Variants in C1QB observed in about 807,000 individuals in gnomAD.
C1QB encodes complement C1q subcomponent subunit B.
Under a neutral mutation model 4.6 loss-of-function variants are expected in C1QB, and 2 were observed. The ratio of observed to expected loss-of-function variants is 0.43; its 90% CI spans 0.18 to 1.36. C1QB has a LOEUF of 1.36. Among genes scored for constraint, C1QB ranks in the 40% most tolerant of loss-of-function variants. C1QB has a pLI of 0.28. For synonymous variants in C1QB, 132 were observed against 137.1 expected (o/e 0.96, Z 0.26); for missense variants, 292 against 338.0 (o/e 0.86, Z 1.07).
intron 1 of C1QB, among the ~76,000 whole-genome samples, chr1:22,657,263 A>T (rs76504354): frequency 0.044 from 6,640 of 152,224 alleles, 271 homozygotes; most frequent in East Asian, 0.2. Flanking sequence ...GCCATCAATC[A>T]ATCATTAGCA....
chr1:22,655,843 C>A (rs1642521911), intron 1 of C1QB, among the ~76,000 whole-genome samples: 1 of 152,150 alleles, frequency 6.6e-6, no homozygotes, highest in South Asian at 2.1e-4. Flanking sequence ...AGAGAGGATA[C>A]AGTTCAGCCT....
At chr1:22,653,677 C>T (rs1218644861) in intron 1 of C1QB, among the ~76,000 whole-genome samples, 1 of 152,164 alleles carries the variant, frequency 6.6e-6, no homozygotes, top group African/African-American at 2.4e-5. Flanking sequence ...CACTGCTGTG[C>T]CTTACAGGAG....
chr1:22,656,159 G>A (rs571202476), intron 1 of C1QB, among the ~76,000 whole-genome samples: 3 of 152,288 alleles, frequency 2.0e-5, no homozygotes, highest in Admixed American at 6.5e-5. Flanking sequence ...GGCACCACAC[G>A]GGGGACCTTG....
chr1:22,656,177 T>G (rs1361835812), intron 1 of C1QB, among the ~76,000 whole-genome samples: 1 of 152,072 alleles, frequency 6.6e-6, no homozygotes, highest in Non-Finnish European at 1.5e-5. Flanking sequence ...TTGGCAGAGG[T>G]GTCATTGAGG....
In C1QB at chr1:22,653,645, T is replaced by C. The variant is rs376349292; in HGVS notation, c.-24+342T>C. ...CTAACCTCTCTCAGCCCGGCCCCCCTACAGAGAACAGAATCTTTCAGCACT... is the reference window on the plus strand; with the variant it reads ...CTAACCTCTCTCAGCCCGGCCCCCCCACAGAGAACAGAATCTTTCAGCACT... On this transcript the variant is annotated intron_variant, in intron 1 of 2. Transcript: ENST00000509305. Among the ~76,000 whole-genome samples, 33 of 152,250 alleles carry C rather than the reference T, an allele frequency of 2.2e-4. 1 individual carries two copies. The highest frequency in any genetic ancestry group is 7.9e-4 in the African/African-American group (33 of 41,546).
Position 22,660,847 on chromosome 1 carries a change from G to C in C1QB, c.217G>C (p.Gly73Arg). 1 of 1,613,898 alleles carries C rather than the reference G, an allele frequency of 6.2e-7. No individual in the cohort carries two copies. The highest frequency in any genetic ancestry group is 8.5e-7 in the Non-Finnish European group (1 of 1,179,966). Residue 73 changes from glycine to arginine, a missense_variant, in exon 3 of 3, where the codon GGA becomes CGA. Gly to Arg is a moderately radical substitution (Grantham distance 125). Transcript: ENST00000509305. ...PGLAGDHGEF[G>R]EKGDPGIPGN... ...GCTGGCTGGAGACCATGGTGAGTTC[G>C]GAGAGAAGGGAGACCCAGGGATTCC...
intron 1 of C1QB, 29 bp from the exon 2 acceptor site, chr1:22,659,411 G>A: frequency 1.9e-6 from 3 of 1,601,682 alleles, no homozygotes; most frequent in South Asian, 1.1e-5. Context: ...TCACCACGGT[G>A]GTAACCTCTC....
intron 2 of C1QB, among the ~76,000 whole-genome samples, chr1:22,660,212 T>C (rs567475287): frequency 7.9e-5 from 12 of 152,292 alleles, no homozygotes; most frequent in Middle Eastern, 3.4e-3. Flanking sequence ...ATTTCACAGA[T>C]GAGGAGGCTG....
intron 1 of C1QB, among the ~76,000 whole-genome samples, chr1:22,657,003 A>C (rs1305501093): frequency 1.3e-5 from 2 of 152,226 alleles, no homozygotes; most frequent in African/African-American, 4.8e-5. Context: ...GTCCCTGGGC[A>C]TGCTGCCCCC....
In C1QB at chr1:22,661,087, C is replaced by T; in HGVS notation, c.457C>T (p.Pro153Ser). ...VITNMNNNYE[P>S]RSGKFTCKVP... ...CACCAACATGAACAACAATTATGAG[C>T]CCCGCAGTGGCAAGTTCACCTGCAA... Residue 153 changes from proline to serine, a missense_variant, in exon 3 of 3, where the codon CCC becomes TCC. Transcript: ENST00000509305. The T allele has an allele frequency of 6.2e-7, 1 of 1,614,168 alleles. No homozygotes were observed. The highest frequency in any genetic ancestry group is 8.5e-7 in the Non-Finnish European group (1 of 1,180,018).
In C1QB at chr1:22,661,566, C is replaced by A. The variant is rs987562255; in HGVS notation, c.*180C>A. ...GGTCTAATTCAACTCTGTGTCCCAG[C>A]ACCTGGCACACCAGAAGTGCCATGC... On this transcript the variant is annotated 3_prime_UTR_variant, in exon 3 of 3. Coordinates refer to ENST00000509305, the MANE Select transcript of C1QB (RefSeq NM_001378156.1). 4 of 669,738 alleles carry A rather than the reference C, an allele frequency of 6.0e-6. No homozygotes were observed. Among genetic ancestry groups the A allele is most frequent in the African/African-American group, 1.8e-5 (1 of 55,620 alleles). The allele number at this position is 669,738 out of a possible 1,614,324, so 41.5% of individuals were successfully genotyped here. A position where few individuals can be genotyped will look rare whatever the true frequency, so the allele number is the denominator to read the frequency against.
rs1642590099 is a variant in C1QB, at chr1:22,659,575, T to A, written c.113T>A (p.Ile38Asn). The A allele has an allele frequency of 6.2e-7, 1 of 1,613,804 alleles. No individual in the cohort carries two copies. The highest frequency in any genetic ancestry group is 1.1e-5 in the South Asian group (1 of 91,066). Reference protein sequence around the residue: ...SCTGPPAIPGIPGIPGTPGPD... With the variant: ...SCTGPPAIPGNPGIPGTPGPD... ...ACCGGGCCCCCAGCCATCCCTGGCA[T>A]CCCGGGTATCCCTGGGACACCTGGC... The change falls in exon 2 of 3, where the codon ATC becomes AAC. Residue 38 changes from isoleucine (I) to asparagine (N), a missense_variant. Physicochemically the swap from Ile to Asn is moderately radical, Grantham distance 149. Transcript: ENST00000509305.
intron 1 of C1QB, among the ~76,000 whole-genome samples, chr1:22,655,401 T>C (rs2148302214): frequency 6.6e-6 from 1 of 152,224 alleles, no homozygotes; most frequent in South Asian, 2.1e-4. Flanking sequence ...CAGCAAGAAA[T>C]TGATCAGGAC....
In C1QB at chr1:22,661,447, A is replaced by C; in HGVS notation, c.*61A>C. ...TGCCAGCAACGCTCACTCTACCCCC[A>C]ACACCACCCCTTGCCCAACCAATGC... On this transcript the variant is annotated 3_prime_UTR_variant, in exon 3 of 3. Coordinates refer to ENST00000509305, the MANE Select transcript of C1QB (RefSeq NM_001378156.1). 6.3e-7 allele frequency: 1 copy of C among 1,588,808 alleles called. No homozygotes were observed. Among genetic ancestry groups the C allele is most frequent in the Non-Finnish European group, 8.6e-7 (1 of 1,159,874 alleles).
chr1:22,661,080 T>A lies in C1QB; in HGVS notation c.450T>A (p.Asn150Lys). ...ACGTGATCACCAACATGAACAACAATTATGAGCCCCGCAGTGGCAAGTTCA... is the reference window on the plus strand; with the variant it reads ...ACGTGATCACCAACATGAACAACAAATATGAGCCCCGCAGTGGCAAGTTCA... ...FDHVITNMNN[N>K]YEPRSGKFTC... The change falls in exon 3 of 3, where the codon AAT (asparagine) becomes AAA (lysine). Residue 150 changes from asparagine (N) to lysine (K), a missense_variant. By Grantham distance (94) the Asn-to-Lys change is moderately conservative. Coordinates refer to ENST00000509305, the MANE Select transcript of C1QB (RefSeq NM_001378156.1). The A allele has an allele frequency of 6.2e-7, 1 of 1,613,958 alleles. No individual in the cohort carries two copies. Among genetic ancestry groups the A allele is most frequent in the Non-Finnish European group, 8.5e-7 (1 of 1,179,972 alleles).
rs943982832 is a variant in C1QB at position 22,661,258 on chromosome 1, A to G, written c.628A>G (p.Met210Val). Residue 210 changes from methionine to valine, a missense_variant, in exon 3 of 3, where the codon ATG becomes GTG. Met to Val is a conservative substitution (Grantham distance 21, BLOSUM62 1). Coordinates refer to ENST00000509305, the MANE Select transcript of C1QB (RefSeq NM_001378156.1). ...YNTFQVTTGG[M>V]VLKLEQGENV... ...CACCTTCCAGGTCACCACCGGTGGC[A>G]TGGTCCTCAAGCTGGAGCAGGGGGA... 4 of 1,613,214 alleles carry G rather than the reference A, an allele frequency of 2.5e-6. No individual in the cohort carries two copies. The highest frequency in any genetic ancestry group is 1.6e-4 in the Middle Eastern group (1 of 6,082).
intron 1 of C1QB, among the ~76,000 whole-genome samples, chr1:22,657,477 G>A (rs1042856190): frequency 6.6e-6 from 1 of 152,136 alleles, no homozygotes; most frequent in African/African-American, 2.4e-5. Flanking sequence ...TAAATGAAAT[G>A]AGTCAGACAC....
intron 1 of C1QB, among the ~76,000 whole-genome samples, chr1:22,654,435 TC>T (rs1642497796): frequency 6.6e-6 from 1 of 151,896 alleles, no homozygotes; most frequent in African/African-American, 2.4e-5. Context: ...ACAGAGCCCC[TC>T]CCTCTAAACA....
At chr1:22,659,896 C>A (rs1642595296) in intron 2 of C1QB, among the ~76,000 whole-genome samples, 1 of 152,196 alleles carries the variant, frequency 6.6e-6, no homozygotes, top group Admixed American at 6.5e-5. Flanking sequence ...GACCACGGAT[C>A]TCTTACCATT....
Sources: allele counts gnomAD v4.1 joint callset (sites outside exome capture counted in the v4.1 genomes callset), GRCh38; gene constraint gnomAD v4.1.1; transcripts MANE v1.5; gene names NCBI Gene and HGNC (gene_info 2026-07-23, HGNC 2026-07-21).